Variants in ADRA1A observed in about 807,000 individuals in gnomAD.
The protein encoded by ADRA1A is adrenoceptor alpha 1A, also known as alpha-1A adrenergic receptor.
A neutral mutation model predicts 29.6 loss-of-function variants in ADRA1A; 31 were observed. That is an observed-to-expected ratio of 1.05 (90% CI 0.79 to 1.41). The LOEUF (loss-of-function observed/expected upper bound fraction) is 1.41. ADRA1A is among the 40% of genes most tolerant of loss of function. The pLI, the probability that ADRA1A is intolerant of heterozygous loss-of-function variation, is 0.00. For missense variants in ADRA1A, 619 were observed against 601.1 expected, an observed-to-expected ratio of 1.03 and a Z score of -0.31; for synonymous variants, 311 against 254.3, an observed-to-expected ratio of 1.22 and a Z score of -2.12.
At chr8:26,818,604 A>G (rs995082379) in intron 2 of ADRA1A, among the ~76,000 whole-genome samples, 1 of 152,110 alleles carries the variant, frequency 6.6e-6, no homozygotes, top group African/African-American at 2.4e-5. Flanking sequence ...ATAAATAAAA[A>G]GAACCAAACA....
chr8:26,782,038 C>G (rs1807024838), intron 2 of ADRA1A, among the ~76,000 whole-genome samples: 1 of 152,216 alleles, frequency 6.6e-6, no homozygotes, highest in African/African-American at 2.4e-5. Context: ...CTCTCCCAGG[C>G]CACTGGCTCA....
chr8:26,830,563 A>G (rs986077583), intron 2 of ADRA1A, among the ~76,000 whole-genome samples: 2 of 152,268 alleles, frequency 1.3e-5, no homozygotes, highest in Admixed American at 6.5e-5. Flanking sequence ...AGAGGGTTAA[A>G]CCAAAGACGG....
Position 26,812,629 on chromosome 8 carries a change from TTTTATTTA to T in ADRA1A, c.884-41971_884-41964del, listed in dbSNP as rs142175703. 1.5e-3 allele frequency among the ~76,000 whole-genome samples: 218 copies of T among 147,222 alleles called. 1 individual carries two copies. Among genetic ancestry groups the T allele is most frequent in the Middle Eastern group, 7.1e-3 (2 of 280 alleles). ...CCAAAAAAGGGAGTTGCCTTTTTAT[TTTTATTTA>T]TTTATTTATTTATTTATTTATTTTC... On this transcript the variant is annotated intron_variant, in intron 2 of 2. Coordinates refer to ENST00000380573, the MANE Select transcript of ADRA1A (RefSeq NM_000680.4).
chr8:26,784,054 G>T (rs1039752986), intron 2 of ADRA1A, among the ~76,000 whole-genome samples: 11 of 152,178 alleles, frequency 7.2e-5, no homozygotes, highest in African/African-American at 2.7e-4. Context: ...GCATCAAGAA[G>T]AATAGCTAAT....
At chr8:26,763,135 A>T (rs1334786003), downstream of ADRA1A, among the ~76,000 whole-genome samples, 1 of 152,124 alleles carries the variant, frequency 6.6e-6, no homozygotes, top group East Asian at 1.9e-4. The surrounding 1 kb of genome is among the most constrained non-coding windows in gnomAD (Gnocchi z 4.5). Context: ...TCATTTGGAA[A>T]TGCCCCTCAT....
intron 2 of ADRA1A, among the ~76,000 whole-genome samples, chr8:26,776,811 T>G (rs369689271): frequency 6.6e-6 from 1 of 152,256 alleles, no homozygotes; most frequent in African/African-American, 2.4e-5. Flanking sequence ...TTGAATGATC[T>G]CAATTTAAAA....
At chr8:26,845,050 T>C (rs1357024539) in intron 2 of ADRA1A, among the ~76,000 whole-genome samples, 1 of 152,152 alleles carries the variant, frequency 6.6e-6, no homozygotes, top group Non-Finnish European at 1.5e-5. Flanking sequence ...CTTAGATATA[T>C]GACACCAAGA....
intron 2 of ADRA1A, among the ~76,000 whole-genome samples, chr8:26,856,790 T>C (rs1813080536): frequency 6.6e-6 from 1 of 152,182 alleles, no homozygotes; most frequent in African/African-American, 2.4e-5. Context: ...GATAACTTAG[T>C]GTGGCTATCT....
At chr8:26,751,865 C>A (rs891074661), downstream of ADRA1A, among the ~76,000 whole-genome samples, 3 of 152,180 alleles carry the variant, frequency 2.0e-5, no homozygotes, top group Admixed American at 6.5e-5. Flanking sequence ...AATGAACACT[C>A]AGGTTGGCTT....
In ADRA1A at chr8:26,770,453, G is replaced by A. The variant is rs1481575037; in HGVS notation, c.1097C>T (p.Ala366Val). 4.3e-6 allele frequency: 7 copies of A among 1,614,060 alleles called. No homozygotes were observed. The Admixed American group carries it at 5.0e-5, about 12-fold the overall frequency. Residue 366 changes from alanine to valine, a missense_variant, in exon 3 of 3, where the codon GCC becomes GTC. Ala to Val is a moderately conservative substitution (Grantham distance 64, BLOSUM62 0). Coordinates refer to ENST00000380573, the MANE Select transcript of ADRA1A (RefSeq NM_000680.4). ...LGYTLHPPSQ[A>V]VEGQHKDMVR... ...CATGTCCTTGTGTTGCCCTTCCACG[G>A]CCTGGCTGGGCGGGTGCAGGGTGTA...
downstream of ADRA1A, among the ~76,000 whole-genome samples, chr8:26,761,908 C>T (rs10110905): frequency 8.4e-3 from 1,277 of 152,076 alleles, 29 homozygotes; most frequent in East Asian, 0.057. Context: ...AAGAGCAGAG[C>T]GCCAGAAGAG....
At chr8:26,847,599 A>T (rs1289263329) in intron 2 of ADRA1A, among the ~76,000 whole-genome samples, 1 of 152,230 alleles carries the variant, frequency 6.6e-6, no homozygotes, top group Non-Finnish European at 1.5e-5. Context: ...CAATAAGCTA[A>T]ATGTGGATAG....
At chr8:26,760,747 C>T (rs1012299334) in intron 2 of ADRA1A, among the ~76,000 whole-genome samples, 1 of 152,210 alleles carries the variant, frequency 6.6e-6, no homozygotes, top group Non-Finnish European at 1.5e-5. Context: ...GGCTCTGCTT[C>T]CTCAGGTGCA....
intron 2 of ADRA1A, among the ~76,000 whole-genome samples, chr8:26,858,125 C>A (rs1193012204): frequency 1.3e-5 from 2 of 152,228 alleles, no homozygotes; most frequent in African/African-American, 4.8e-5. Flanking sequence ...GTGCTGCCTC[C>A]TGTTCTTTTA....
intron 2 of ADRA1A, among the ~76,000 whole-genome samples, chr8:26,808,725 G>A (rs1336561401): frequency 6.6e-6 from 1 of 152,246 alleles, no homozygotes; most frequent in Non-Finnish European, 1.5e-5. Flanking sequence ...TCAGTTGCCT[G>A]TGATTTCTTC....
At chr8:26,812,695 C>T (rs1393453711) in intron 2 of ADRA1A, among the ~76,000 whole-genome samples, 5 of 151,284 alleles carry the variant, frequency 3.3e-5, no homozygotes, top group Non-Finnish European at 5.9e-5. Context: ...GATGGGGTCT[C>T]ACTCTGTCAC....
chr8:26,845,339 C>T (rs1812120855), intron 2 of ADRA1A, among the ~76,000 whole-genome samples: 5 of 152,182 alleles, frequency 3.3e-5, no homozygotes, highest in Admixed American at 3.3e-4. Context: ...TATGAAAAGA[C>T]ACTCAGCATT....
chr8:26,839,866 C>T (rs964089339), intron 2 of ADRA1A, among the ~76,000 whole-genome samples: 10 of 152,052 alleles, frequency 6.6e-5, no homozygotes, highest in Admixed American at 2.0e-4. Context: ...GAGAAGCTCT[C>T]GGAGGCAGGC....
At chr8:26,859,871 G>A (rs376109524) in intron 2 of ADRA1A, among the ~76,000 whole-genome samples, 12 of 151,596 alleles carry the variant, frequency 7.9e-5, no homozygotes, top group African/African-American at 2.9e-4. Context: ...GGGTTCAAGC[G>A]ATTCTCCAGC....
Sources: gnomAD v4.1 joint callset for allele counts (sites outside exome capture counted in the v4.1 genomes callset) on GRCh38, gnomAD v4.1.1 for gene constraint, Gnocchi (gnomAD v3.1) non-coding constraint, MANE v1.5 for transcripts, NCBI Gene and HGNC (gene_info 2026-07-23, HGNC 2026-07-21) for gene names.